The following SLC17A3 variants were observed in gnomAD, a reference collection of about 807,000 sequenced individuals.
The protein encoded by SLC17A3 is sodium-dependent phosphate transport protein 4.
In SLC17A3, 61 loss-of-function variants were observed where a neutral mutation model predicts 60.3. The ratio of observed to expected loss-of-function variants is 1.01; its 90% CI spans 0.82 to 1.25. SLC17A3 has a LOEUF of 1.25. Among genes scored for constraint, SLC17A3 ranks in the 50% most tolerant of loss-of-function variants. The pLI, the probability that SLC17A3 is intolerant of heterozygous loss-of-function variation, is 0.00. For missense variants in SLC17A3, 624 were observed against 594.9 expected, an observed-to-expected ratio of 1.05 and a Z score of -0.51; for synonymous variants, 192 against 208.9, an observed-to-expected ratio of 0.92 and a Z score of 0.70.
chr6:25,851,642 A>G (rs1765279669), intron 6 of SLC17A3, among the ~76,000 whole-genome samples: 1 of 152,136 alleles, frequency 6.6e-6, no homozygotes, highest in Non-Finnish European at 1.5e-5. Flanking sequence ...ACCTTCTGTT[A>G]AAGAGACTAT....
At chr6:25,853,406 G>GTTTTT (rs70977233) in intron 6 of SLC17A3, among the ~76,000 whole-genome samples, 1 of 58,726 alleles carries the variant, frequency 1.7e-5, no homozygotes, top group Non-Finnish European at 3.1e-5. Context: ...ATTTCTGCAT[G>GTTTTT]TTTTTTTTTT....
chr6:25,868,284 A>G lies in SLC17A3; in HGVS notation c.91+13T>C, dbSNP rs1765570917. ...GTAAAATCCTAAAACCAAGCAGTTGAGGTCAAATTTACCTTTCCTGGGGAT... is the reference window on the plus strand; with the variant it reads ...GTAAAATCCTAAAACCAAGCAGTTGGGGTCAAATTTACCTTTCCTGGGGAT... On this transcript the variant is annotated intron_variant, in intron 2 of 12. Transcript: ENST00000397060. 6.3e-7 allele frequency: 1 copy of G among 1,599,168 alleles called. No individual in the cohort carries two copies. The highest frequency in any genetic ancestry group is 8.6e-7 in the Non-Finnish European group (1 of 1,167,118).
chr6:25,863,160 G>T (rs1397046605), intron 2 of SLC17A3, among the ~76,000 whole-genome samples: 1 of 151,992 alleles, frequency 6.6e-6, no homozygotes, highest in Non-Finnish European at 1.5e-5. Context: ...TCCAGATCCT[G>T]GCTAAATTGT....
chr6:25,858,454 G>A (rs1310099431), intron 5 of SLC17A3, among the ~76,000 whole-genome samples: 1 of 152,148 alleles, frequency 6.6e-6, no homozygotes, highest in Non-Finnish European at 1.5e-5. Context: ...GTTGGCCTCT[G>A]ACTGACTGTT....
intron 2 of SLC17A3, among the ~76,000 whole-genome samples, chr6:25,862,997 C>T (rs1183007847): frequency 2.0e-5 from 3 of 151,662 alleles, no homozygotes; most frequent in Non-Finnish European, 4.4e-5. Flanking sequence ...GTAAGTTACA[C>T]TTTGAAGAGA....
intron 2 of SLC17A3, among the ~76,000 whole-genome samples, chr6:25,865,080 G>C (rs967313231): frequency 6.6e-6 from 1 of 151,914 alleles, no homozygotes; most frequent in Admixed American, 6.6e-5. Flanking sequence ...TCACAATAAC[G>C]CTATGAAGCA....
intron 2 of SLC17A3, among the ~76,000 whole-genome samples, chr6:25,863,614 G>C (rs1032367277): frequency 4.6e-5 from 7 of 152,032 alleles, no homozygotes; most frequent in Non-Finnish European, 8.8e-5. Flanking sequence ...TTCAATCGAT[G>C]AGACTGGGTA....
Position 25,859,719 on chromosome 6 carries a change from C to G in SLC17A3, c.625+1905G>C, listed in dbSNP as rs1037023443. On this transcript the variant is annotated intron_variant, in intron 5 of 12. Coordinates refer to ENST00000397060, the MANE Select transcript of SLC17A3 (RefSeq NM_001098486.2). ...TGAACCTCAACTCTGGTTCTCAGAA[C>G]CACACCATCAGTGGTAAGGCTGGTG... 2.8e-4 allele frequency among the ~76,000 whole-genome samples: 43 copies of G among 152,206 alleles called. 1 individual carries two copies.
At chr6:25,850,971 G>T in intron 6 of SLC17A3, 94 bp from the exon 7 acceptor site, 1 of 924,044 alleles carries the variant, frequency 1.1e-6, no homozygotes, top group Non-Finnish European at 1.8e-6. Context: ...TAAGTTCTAG[G>T]AAAAGCTCAT....
In SLC17A3 at chr6:25,850,789, T is replaced by C. The variant is rs762606172; in HGVS notation, c.801A>G (p.Lys267=). ...GTTTCAAGGAGGATATGATGTATTC[T>C]TTTTCTGAGGTGCTTATCCATGGAT... ...VSYPWISTSE[K]EYIISSLKQQ... The change falls in exon 7 of 13, where the codon AAA becomes AAG. Residue 267 remains lysine, a synonymous_variant. Coordinates refer to ENST00000397060, the MANE Select transcript of SLC17A3 (RefSeq NM_001098486.2). 3 of 1,613,854 alleles carry C rather than the reference T, an allele frequency of 1.9e-6. No individual in the cohort carries two copies. The highest frequency in any genetic ancestry group is 2.7e-5 in the African/African-American group (2 of 74,926).
chr6:25,855,034 G>T, intron 6 of SLC17A3, 110 bp downstream of exon 6: 1 of 776,644 alleles, frequency 1.3e-6, no homozygotes, highest in African/African-American at 1.7e-5. Flanking sequence ...TGGTTTTCTA[G>T]GATTTATCTG....
At chr6:25,865,039 G>A (rs1445312364) in intron 2 of SLC17A3, among the ~76,000 whole-genome samples, 11 of 152,042 alleles carry the variant, frequency 7.2e-5, no homozygotes, top group African/African-American at 1.9e-4. Flanking sequence ...TCAAATGTCT[G>A]TGATAGGTCA....
rs373994029 is a variant in SLC17A3 at position 25,850,655 on chromosome 6, C to T, written c.832-35G>A. 15 of 1,612,972 alleles carry T rather than the reference C, an allele frequency of 9.3e-6. No homozygotes were observed. In the African/African-American group the frequency reaches 9.3e-5, roughly 10 times the overall value. On this transcript the variant is annotated intron_variant, in intron 7 of 12. Coordinates refer to ENST00000397060, the MANE Select transcript of SLC17A3 (RefSeq NM_001098486.2). The stretch of plus-strand genomic sequence containing the variant: ...AATTTACTGGTCATAACGGTAAATC[C>T]GACAGATGCTCACACACTTAGTCAC...
chr6:25,867,271 C>A (rs1765552024), intron 2 of SLC17A3, among the ~76,000 whole-genome samples: 1 of 151,916 alleles, frequency 6.6e-6, no homozygotes, highest in Non-Finnish European at 1.5e-5. Context: ...CTGCAGTAAC[C>A]TTCAGCTTGG....
At chr6:25,845,639 G>A in intron 11 of SLC17A3, 123 bp from the exon 12 acceptor site, 1 of 1,125,304 alleles carries the variant, frequency 8.9e-7, no homozygotes. Flanking sequence ...TTTCCTGAAA[G>A]TGGCTTGATA....
chr6:25,862,183 C>A lies in SLC17A3; in HGVS notation c.303+50G>T, dbSNP rs535131207. 7.9e-6 allele frequency: 12 copies of A among 1,522,026 alleles called. No homozygotes were observed. The East Asian group carries it at 2.7e-4, about 34-fold the overall frequency. The allele number at this position is 1,522,026 out of a possible 1,614,324, so 94.3% of individuals were successfully genotyped here. On this transcript the variant is annotated intron_variant, in intron 3 of 12. Coordinates refer to ENST00000397060, the MANE Select transcript of SLC17A3 (RefSeq NM_001098486.2). ...TACTCTAGAAAAATAAATATCCAAG[C>A]AAATAAACAGCAAAAAGAAAAGCAC...
chr6:25,861,515 T>C (rs1446060082), intron 5 of SLC17A3, 109 bp downstream of exon 5: 3 of 875,398 alleles, frequency 3.4e-6, no homozygotes, highest in Non-Finnish European at 5.8e-6. Flanking sequence ...TTAAAAATAC[T>C]TCACTGACAT....
intron 5 of SLC17A3, among the ~76,000 whole-genome samples, chr6:25,857,664 T>G (rs1256245979): frequency 6.6e-6 from 1 of 152,198 alleles, no homozygotes; most frequent in Non-Finnish European, 1.5e-5. Context: ...TTAAATAACT[T>G]GCCAAAGGTC....
intron 5 of SLC17A3, among the ~76,000 whole-genome samples, chr6:25,859,108 C>T (rs1223057943): frequency 1.3e-5 from 2 of 152,034 alleles, no homozygotes; most frequent in African/African-American, 4.8e-5. Flanking sequence ...TTGATTATAA[C>T]AAAGTCAGTA....
Sources: allele counts gnomAD v4.1 joint callset (sites outside exome capture counted in the v4.1 genomes callset), GRCh38; gene constraint gnomAD v4.1.1; transcripts MANE v1.5; gene names NCBI Gene and HGNC (gene_info 2026-07-23, HGNC 2026-07-21).